Variants in HCN1 observed in about 807,000 individuals in gnomAD.
HCN1 encodes potassium/sodium hyperpolarization-activated cyclic nucleotide-gated channel 1.
A neutral mutation model predicts 78.9 loss-of-function variants in HCN1; 13 were observed. The observed-to-expected ratio is 0.16, with a 90% CI of 0.11 to 0.26. HCN1 has a LOEUF of 0.26. Ranked by LOEUF, HCN1 falls within the 10% of genes least tolerant of loss-of-function variation. HCN1 has a pLI of 1.00. For missense variants in HCN1, 810 were observed against 1,154.3 expected (o/e 0.70, Z 4.32); for synonymous variants, 552 against 455.5 (o/e 1.21, Z -2.70).
intron 5 of HCN1, among the ~76,000 whole-genome samples, chr5:45,338,528 C>T (rs1236141731): frequency 6.6e-6 from 1 of 151,958 alleles, no homozygotes; most frequent in Non-Finnish European, 1.5e-5. Flanking sequence ...AATAATTGAA[C>T]TTTGCCTTTC....
chr5:45,528,924 A>C (rs1019948882), intron 2 of HCN1, among the ~76,000 whole-genome samples: 17 of 152,046 alleles, frequency 1.1e-4, no homozygotes, highest in African/African-American at 4.1e-4. Flanking sequence ...AATTTAGTGA[A>C]GTTGCCCTTA....
chr5:45,304,513 T>G (rs773265404), intron 5 of HCN1, among the ~76,000 whole-genome samples: 21 of 151,892 alleles, frequency 1.4e-4, no homozygotes, highest in Non-Finnish European at 2.5e-4. Context: ...CTGTCTCTAC[T>G]AAAAATACAA....
chr5:45,603,358 C>G (rs1207457849), intron 2 of HCN1, among the ~76,000 whole-genome samples: 1 of 151,870 alleles, frequency 6.6e-6, no homozygotes, highest in Non-Finnish European at 1.5e-5. Context: ...CTGAATAAAT[C>G]ACATTAAAAA....
intron 2 of HCN1, among the ~76,000 whole-genome samples, chr5:45,619,597 T>C (rs1166776816): frequency 2.6e-5 from 4 of 151,748 alleles, no homozygotes; most frequent in African/African-American, 9.7e-5. Flanking sequence ...GAATTTCAAA[T>C]AATAAATGCA....
At chr5:45,408,475 C>T (rs190953141) in intron 3 of HCN1, among the ~76,000 whole-genome samples, 1 of 152,242 alleles carries the variant, frequency 6.6e-6, no homozygotes, top group Admixed American at 6.5e-5. Flanking sequence ...TAGAGGTTTG[C>T]TGCCTAGGAG....
At chr5:45,617,667 T>G (rs1386547662) in intron 2 of HCN1, among the ~76,000 whole-genome samples, 6 of 152,072 alleles carry the variant, frequency 3.9e-5, no homozygotes, top group Non-Finnish European at 5.9e-5. Context: ...TTTGTAAAAT[T>G]GAGAGAAAAT....
Position 45,487,318 on chromosome 5 carries a change from T to C in HCN1, c.850-25311A>G, listed in dbSNP as rs921823285. Among the ~76,000 whole-genome samples, 4 of 152,230 alleles carry C rather than the reference T, an allele frequency of 2.6e-5. No homozygotes were observed. The East Asian group carries it at 7.7e-4, about 29-fold the overall frequency. On this transcript the variant is annotated intron_variant, in intron 2 of 7. Transcript: ENST00000303230. ...GATGAGCACATAAATTTTGCTGTAC[T>C]CTTCATTTGGTAACTATATAGGAAG...
At chr5:45,347,795 T>C (rs1023452782) in intron 5 of HCN1, among the ~76,000 whole-genome samples, 1 of 151,570 alleles carries the variant, frequency 6.6e-6, no homozygotes, top group Admixed American at 6.6e-5. Context: ...TGAAATGAAG[T>C]GAGAAGGGAA....
chr5:45,481,573 A>AGTG (rs1741651524), intron 2 of HCN1, among the ~76,000 whole-genome samples: 1 of 152,180 alleles, frequency 6.6e-6, no homozygotes, highest in Non-Finnish European at 1.5e-5. Context: ...TGATGAATGG[A>AGTG]AAGGAACGTG....
chr5:45,443,435 T>A (rs889700590), intron 3 of HCN1, among the ~76,000 whole-genome samples: 8 of 152,190 alleles, frequency 5.3e-5, no homozygotes, highest in African/African-American at 1.9e-4. Flanking sequence ...GGTTGGTTGT[T>A]TATTTCATAC....
At chr5:45,388,694 A>G (rs946150224) in intron 4 of HCN1, among the ~76,000 whole-genome samples, 1 of 152,092 alleles carries the variant, frequency 6.6e-6, no homozygotes, top group Non-Finnish European at 1.5e-5. Context: ...GGATGAACCT[A>G]TATTCACAAA....
intron 4 of HCN1, among the ~76,000 whole-genome samples, chr5:45,374,911 G>C (rs2112015675): frequency 6.9e-6 from 1 of 144,260 alleles, no homozygotes; most frequent in African/African-American, 2.5e-5. Flanking sequence ...GAGAGAGAGA[G>C]AGAACTATAC....
At chr5:45,641,142 G>A (rs1745448097) in intron 2 of HCN1, among the ~76,000 whole-genome samples, 1 of 152,152 alleles carries the variant, frequency 6.6e-6, no homozygotes, top group African/African-American at 2.4e-5. Flanking sequence ...CTTATGGCAA[G>A]TCTTAGAATC....
intron 5 of HCN1, among the ~76,000 whole-genome samples, chr5:45,326,704 T>C (rs902696389): frequency 2.6e-5 from 4 of 151,662 alleles, no homozygotes; most frequent in Non-Finnish European, 5.9e-5. Flanking sequence ...AAGATGAATT[T>C]TGAGATGTAC....
chr5:45,455,121 C>T (rs559917268), intron 3 of HCN1, among the ~76,000 whole-genome samples: 2 of 152,074 alleles, frequency 1.3e-5, no homozygotes, highest in East Asian at 1.9e-4. Context: ...TAGAACACCA[C>T]TGGATGAGTT....
chr5:45,310,761 C>A (rs1451603083), intron 5 of HCN1, among the ~76,000 whole-genome samples: 1 of 152,124 alleles, frequency 6.6e-6, no homozygotes, highest in Non-Finnish European at 1.5e-5. Context: ...ATGGAATCAA[C>A]CCAAATGCTC....
chr5:45,553,364 C>T (rs1391264304), intron 2 of HCN1, among the ~76,000 whole-genome samples: 1 of 151,862 alleles, frequency 6.6e-6, no homozygotes, highest in East Asian at 1.9e-4. Context: ...CTCACTGAGG[C>T]TGTGAGTAAT....
chr5:45,297,901 T>G (rs1324358988), intron 6 of HCN1, among the ~76,000 whole-genome samples: 1 of 151,876 alleles, frequency 6.6e-6, no homozygotes, highest in African/African-American at 2.4e-5. Flanking sequence ...TTTGACAATA[T>G]CCAACACTCA....
At chr5:45,503,781 C>T (rs578045043) in intron 2 of HCN1, among the ~76,000 whole-genome samples, 2 of 151,282 alleles carry the variant, frequency 1.3e-5, no homozygotes, top group East Asian at 3.9e-4. Context: ...CACAAATTCC[C>T]TCCACCCCCT....
Sources: allele counts gnomAD v4.1 joint callset (sites outside exome capture counted in the v4.1 genomes callset), GRCh38; gene constraint gnomAD v4.1.1; transcripts MANE v1.5; gene names NCBI Gene and HGNC (gene_info 2026-07-23, HGNC 2026-07-21).